Variants in QKI observed in about 807,000 individuals in gnomAD.
QKI encodes QKI, KH domain containing RNA binding.
QKI carries 10 observed loss-of-function variants against 39.0 expected under a neutral mutation model. The observed-to-expected ratio is 0.26, with a 90% CI of 0.16 to 0.43. QKI has a LOEUF of 0.43. Ranked by LOEUF, QKI falls within the 20% of genes least tolerant of loss-of-function variation. QKI has a pLI of 1.00. For missense variants in QKI, 218 were observed against 428.0 expected (o/e 0.51, Z 4.33); for synonymous variants, 204 against 155.4 (o/e 1.31, Z -2.33).
In QKI at chr6:163,576,049, T is replaced by C. The variant is rs1783958474; in HGVS notation, c.*5339T>C. 1.3e-5 allele frequency: 2 copies of C among 152,226 alleles called. No individual in the cohort carries two copies. The highest frequency in any genetic ancestry group is 2.4e-5 in the African/African-American group (1 of 41,454). The allele number at this position is 152,226 out of a possible 1,614,324, so 9.4% of individuals were successfully genotyped here. A position where few individuals can be genotyped will look rare whatever the true frequency, so the allele number is the denominator to read the frequency against. On this transcript the variant is annotated 3_prime_UTR_variant, in exon 8 of 8. Coordinates refer to ENST00000361752, the MANE Select transcript of QKI (RefSeq NM_006775.3). Reference sequence around the variant, plus strand: ...TCCAACTTTTCGAATTCACAATTTTTCTAAGTGCATAGAGTAGTTTTTTAC... The same window carrying C: ...TCCAACTTTTCGAATTCACAATTTTCCTAAGTGCATAGAGTAGTTTTTTAC...
intron 3 of QKI, among the ~76,000 whole-genome samples, chr6:163,487,335 G>A (rs1777746284): frequency 6.6e-6 from 1 of 151,982 alleles, no homozygotes. Context: ...TTCACCTTTT[G>A]CCTCCCAGAT....
At chr6:163,425,205 T>C (rs1452757383) in intron 1 of QKI, among the ~76,000 whole-genome samples, 1 of 151,942 alleles carries the variant, frequency 6.6e-6, no homozygotes, top group Non-Finnish European at 1.5e-5. Context: ...AATGGGAAGG[T>C]GGAGGATGTT....
chr6:163,446,531 G>A (rs917457225), intron 1 of QKI, among the ~76,000 whole-genome samples: 2 of 152,118 alleles, frequency 1.3e-5, no homozygotes, highest in East Asian at 1.9e-4. Context: ...TAACTAGTTC[G>A]CCATTAGATT....
intron 2 of QKI, 72 bp downstream of exon 2, chr6:163,455,493 T>C: frequency 7.1e-7 from 1 of 1,418,424 alleles, no homozygotes; most frequent in East Asian, 2.3e-5. Context: ...TATTTGGTGG[T>C]AAATACTTAA....
chr6:163,517,795 CTAAA>C (rs1562506358), intron 3 of QKI, among the ~76,000 whole-genome samples: 3 of 152,068 alleles, frequency 2.0e-5, no homozygotes, highest in Admixed American at 6.6e-5. Context: ...ACTTTTTTCC[CTAAA>C]TAGTGTCTCT....
chr6:163,496,594 T>C (rs1454370600), intron 3 of QKI, among the ~76,000 whole-genome samples: 1 of 152,192 alleles, frequency 6.6e-6, no homozygotes, highest in Non-Finnish European at 1.5e-5. Context: ...TATTTTAATG[T>C]ATTCAGTTAG....
intron 1 of QKI, among the ~76,000 whole-genome samples, chr6:163,438,138 G>A (rs1483484252): frequency 6.6e-6 from 1 of 152,140 alleles, no homozygotes. Flanking sequence ...TTTGCAAACA[G>A]CATTTGTTAG....
At chr6:163,524,212 C>T (rs1427645397) in intron 3 of QKI, among the ~76,000 whole-genome samples, 3 of 152,102 alleles carry the variant, frequency 2.0e-5, no homozygotes. Context: ...AGCTGTCTTC[C>T]AGTCTGAAAC....
chr6:163,460,243 T>G (rs965869708), intron 2 of QKI, among the ~76,000 whole-genome samples: 1 of 152,208 alleles, frequency 6.6e-6, no homozygotes, highest in African/African-American at 2.4e-5. Flanking sequence ...TTTCTGATGT[T>G]TTTAAAATGG....
chr6:163,418,667 C>G (rs1057013296), intron 1 of QKI, among the ~76,000 whole-genome samples: 2 of 152,120 alleles, frequency 1.3e-5, no homozygotes, highest in Non-Finnish European at 2.9e-5. Context: ...TAGGATTACA[C>G]ATAAAACCTA....
intron 6 of QKI, chr6:163,564,070 A>C: frequency 9.2e-7 from 1 of 1,084,118 alleles, no homozygotes; most frequent in Non-Finnish European, 1.1e-6. Context: ...CTCAAACTTT[A>C]TTTGAGATTT....
rs1307335751 is a variant in QKI at position 163,570,673 on chromosome 6, T to G, written c.1010-21T>G. 1.2e-6 allele frequency: 2 copies of G among 1,611,570 alleles called. No individual in the cohort carries two copies. The highest frequency in any genetic ancestry group is 1.7e-6 in the Non-Finnish European group (2 of 1,179,576). ...TCTTTTCTTTTTTTTGTTTTGTTTTTTTTTGTTTCTAACCACCCAGCCGCC... is the reference window on the plus strand; with the variant it reads ...TCTTTTCTTTTTTTTGTTTTGTTTTGTTTTGTTTCTAACCACCCAGCCGCC... On this transcript the variant is annotated intron_variant, in intron 7 of 7. Transcript: ENST00000361752.
In QKI at chr6:163,479,560, T is replaced by TG. The variant is rs545280303; in HGVS notation, c.402+668dup. ...CTAATTTTTGTATTTTTAGTAGAGA[T>TG]GGGGTTTCACCATGTTGGTCAGTCT... is the stretch of plus-strand genomic sequence containing the variant. On this transcript the variant is annotated intron_variant, in intron 3 of 7. Coordinates refer to ENST00000361752, the MANE Select transcript of QKI (RefSeq NM_006775.3). Among the ~76,000 whole-genome samples the TG allele has an allele frequency of 1.1e-4, 17 of 152,184 alleles. 1 individual carries two copies. The East Asian group carries it at 3.3e-3, about 30-fold the overall frequency.
intron 3 of QKI, among the ~76,000 whole-genome samples, chr6:163,526,846 G>T (rs1780548237): frequency 6.6e-6 from 1 of 151,952 alleles, no homozygotes; most frequent in African/African-American, 2.4e-5. Flanking sequence ...CTAGTATTGG[G>T]GTTATATAAA....
chr6:163,440,248 T>C (rs541492403), intron 1 of QKI, among the ~76,000 whole-genome samples: 1 of 152,330 alleles, frequency 6.6e-6, no homozygotes, highest in Non-Finnish European at 1.5e-5. Flanking sequence ...GATGGAGCAG[T>C]AGTGCTGGAG....
intron 3 of QKI, among the ~76,000 whole-genome samples, chr6:163,499,287 A>T (rs73244787): frequency 6.6e-6 from 1 of 152,178 alleles, no homozygotes; most frequent in Non-Finnish European, 1.5e-5. Flanking sequence ...CATGTATGAC[A>T]TATCTTGGAC....
chr6:163,564,371 A>G (rs1239179488), intron 6 of QKI: 120 of 1,197,866 alleles, frequency 1.0e-4, no homozygotes, highest in Non-Finnish European at 1.2e-4. Flanking sequence ...TTATAATCTT[A>G]TGGGACCACA....
At chr6:163,552,116 A>G (rs1455816417) in intron 4 of QKI, among the ~76,000 whole-genome samples, 7 of 152,220 alleles carry the variant, frequency 4.6e-5, no homozygotes, top group Admixed American at 6.5e-5. Context: ...AATAAGCTAC[A>G]GAAAAGAAAA....
intron 2 of QKI, among the ~76,000 whole-genome samples, chr6:163,467,559 A>G (rs1265454684): frequency 2.0e-5 from 3 of 152,206 alleles, no homozygotes; most frequent in African/African-American, 7.2e-5. Flanking sequence ...CAGCACTTGT[A>G]CGTAACATGT....
Sources: allele counts gnomAD v4.1 joint callset (sites outside exome capture counted in the v4.1 genomes callset), GRCh38; gene constraint gnomAD v4.1.1; transcripts MANE v1.5; gene names NCBI Gene and HGNC (gene_info 2026-07-23, HGNC 2026-07-21).